UGT1A10: variants seen among roughly 807,000 people sequenced by gnomAD.
UGT1A10 encodes the protein UDP glucuronosyltransferase family 1 member A10.
In UGT1A10, 49 loss-of-function variants were observed where a neutral mutation model predicts 45.8. That is an observed-to-expected ratio of 1.07 (90% CI 0.85 to 1.36). The LOEUF is 1.36. Ranked by LOEUF, UGT1A10 falls within the 40% of genes most tolerant of loss-of-function variation. UGT1A10 has a pLI of 0.00. For synonymous variants in UGT1A10, 284 were observed against 249.7 expected (o/e 1.14, Z -1.29); for missense variants, 745 against 668.6 (o/e 1.11, Z -1.26).
intron 1 of UGT1A10, among the ~76,000 whole-genome samples, chr2:233,658,080 G>A (rs1255172616): frequency 2.0e-5 from 3 of 150,518 alleles, no homozygotes; most frequent in African/African-American, 7.3e-5. Flanking sequence ...GTGCAGTGGG[G>A]CAATCTTGGC....
chr2:233,670,689 A>G (rs764664853), intron 1 of UGT1A10, among the ~76,000 whole-genome samples: 1 of 152,156 alleles, frequency 6.6e-6, no homozygotes, highest in Non-Finnish European at 1.5e-5. Flanking sequence ...TTGAAAGACC[A>G]TATCCCCCAC....
chr2:233,663,185 T>C (rs1034652548), intron 1 of UGT1A10, among the ~76,000 whole-genome samples: 36 of 152,162 alleles, frequency 2.4e-4, no homozygotes, highest in Admixed American at 2.4e-3. Context: ...GGATTCACCT[T>C]GCCTGCTGCC....
chr2:233,744,674 A>C (rs1324161550), intron 1 of UGT1A10, among the ~76,000 whole-genome samples: 16 of 151,928 alleles, frequency 1.1e-4, no homozygotes, highest in South Asian at 4.1e-4. Flanking sequence ...ATTACACATC[A>C]CCCATGTAGC....
chr2:233,713,635 T>C (rs1231856899), intron 1 of UGT1A10: 3 of 1,613,986 alleles, frequency 1.9e-6, no homozygotes, highest in Non-Finnish European at 2.5e-6. Flanking sequence ...AAGAACATGC[T>C]CTACCCTCTG....
intron 1 of UGT1A10, among the ~76,000 whole-genome samples, chr2:233,703,998 C>A (rs2075762897): frequency 6.6e-6 from 1 of 151,952 alleles, no homozygotes; most frequent in South Asian, 2.1e-4. Flanking sequence ...TCAAGCAGTT[C>A]TCCCACCTCA....
intron 1 of UGT1A10, among the ~76,000 whole-genome samples, chr2:233,739,485 C>T (rs535486258): frequency 1.8e-4 from 27 of 152,374 alleles, no homozygotes; most frequent in African/African-American, 6.3e-4. Context: ...GAGCCCATTT[C>T]TGGCATCACC....
At position 233,724,298 on chromosome 2, in the gene UGT1A10, C is replaced by G. The variant is rs1308100434; in HGVS notation, c.856-42736C>G. Among the ~76,000 whole-genome samples, 14 of 143,328 alleles carry G rather than the reference C, an allele frequency of 9.8e-5. No individual in the cohort carries two copies. In the East Asian group the frequency reaches 3.1e-3, roughly 31 times the overall value. 94.0% of individuals were successfully genotyped at this position (143,328 alleles called of 152,430 possible). Reference sequence around the variant, plus strand: ...TGGCCGGGCGGGGGGCTGACCCCCCCACCTCCCTCCCGGACGGGGCGGCTG... The same window carrying G: ...TGGCCGGGCGGGGGGCTGACCCCCCGACCTCCCTCCCGGACGGGGCGGCTG... On this transcript the variant is annotated intron_variant, in intron 1 of 4. Transcript: ENST00000344644.
At chr2:233,724,744 A>T (rs2077304128) in intron 1 of UGT1A10, among the ~76,000 whole-genome samples, 2 of 143,018 alleles carry the variant, frequency 1.4e-5, no homozygotes, top group South Asian at 5.1e-4. Context: ...GGCTCCTCAC[A>T]TCCCAGACGA....
chr2:233,639,743 T>C (rs1426744162), intron 1 of UGT1A10, among the ~76,000 whole-genome samples: 1 of 152,170 alleles, frequency 6.6e-6, no homozygotes, highest in Non-Finnish European at 1.5e-5. Flanking sequence ...ACTTTAACAA[T>C]GATGGCAGAT....
intron 1 of UGT1A10, among the ~76,000 whole-genome samples, chr2:233,730,339 G>C (rs954764150): frequency 2.0e-5 from 3 of 152,178 alleles, no homozygotes; most frequent in Non-Finnish European, 4.4e-5. Flanking sequence ...GTTTGGAACT[G>C]ATCCATCCTG....
chr2:233,745,132 TG>T (rs1669104156), intron 1 of UGT1A10, among the ~76,000 whole-genome samples: 1 of 151,914 alleles, frequency 6.6e-6, no homozygotes, highest in Admixed American at 6.5e-5. Context: ...TCTGCAGATG[TG>T]AAGCCCAAGT....
At chr2:233,743,497 A>C (rs1692318154) in intron 1 of UGT1A10, 1 of 1,367,094 alleles carries the variant, frequency 7.3e-7, no homozygotes, top group Admixed American at 1.9e-5. Context: ...GGCAGAGAAA[A>C]GGGGTGCAGA....
At chr2:233,658,386 T>C (rs949985397) in intron 1 of UGT1A10, among the ~76,000 whole-genome samples, 2 of 152,200 alleles carry the variant, frequency 1.3e-5, no homozygotes, top group Non-Finnish European at 2.9e-5. Flanking sequence ...ATTTGATACA[T>C]TATGATGAAC....
rs369861347 is a variant in UGT1A10 at position 233,704,965 on chromosome 2, A to G, written c.856-62069A>G. On this transcript the variant is annotated intron_variant, in intron 1 of 4. Coordinates refer to ENST00000344644, the MANE Select transcript of UGT1A10 (RefSeq NM_019075.4). ...AGCCTGGCCAACATGGTGAAACCCC[A>G]TCTCTACTTAAAATACAGAAATTAG... Among the ~76,000 whole-genome samples the G allele has an allele frequency of 7.9e-5, 12 of 152,064 alleles. 1 individual carries two copies. In the East Asian group the frequency reaches 1.2e-3, roughly 15 times the overall value.
Position 233,769,424 on chromosome 2 carries a change from G to T in UGT1A10, c.1295+985G>T. 2 of 1,481,600 alleles carry T rather than the reference G, an allele frequency of 1.3e-6. No homozygotes were observed. The highest frequency in any genetic ancestry group is 1.8e-4 in the Middle Eastern group (1 of 5,630). 91.8% of individuals were successfully genotyped at this position (1,481,600 alleles called of 1,614,324 possible). Reference sequence around the variant, plus strand: ...ATGTGCGTGTGCGTTTGTGCATGTGGCTGTGCTCATGTGTGGGTGCACACG... The same window carrying T: ...ATGTGCGTGTGCGTTTGTGCATGTGTCTGTGCTCATGTGTGGGTGCACACG... On this transcript the variant is annotated intron_variant, in intron 4 of 4. Coordinates refer to ENST00000344644, the MANE Select transcript of UGT1A10 (RefSeq NM_019075.4). This position sits in a 1 kb window ranked among gnomAD's most constrained non-coding sequence, Gnocchi z 4.4.
intron 1 of UGT1A10, among the ~76,000 whole-genome samples, chr2:233,702,365 T>A (rs1282819805): frequency 2.0e-5 from 3 of 152,208 alleles, no homozygotes; most frequent in Admixed American, 2.0e-4. Flanking sequence ...TTTTAGTGGA[T>A]TTCGTAGGAT....
At chr2:233,763,527 CT>C (rs1248792225) in intron 1 of UGT1A10, among the ~76,000 whole-genome samples, 2 of 152,146 alleles carry the variant, frequency 1.3e-5, no homozygotes, top group African/African-American at 4.8e-5. Context: ...TGCCATTCTC[CT>C]TTTTCCGGAT....
At position 233,682,362 on chromosome 2, in the gene UGT1A10, T is replaced by C. The variant is rs747551450; in HGVS notation, c.855+44985T>C. ...GTAGAATACTTAAAGGAGAGTTGTT[T>C]TGATGCAGTGTTTCTCGATCCTTTT... On this transcript the variant is annotated intron_variant, in intron 1 of 4. Coordinates refer to ENST00000344644, the MANE Select transcript of UGT1A10 (RefSeq NM_019075.4). 18 of 1,614,152 alleles carry C rather than the reference T, an allele frequency of 1.1e-5. No homozygotes were observed. The South Asian group carries it at 2.0e-4, about 18-fold the overall frequency.
At chr2:233,705,348 T>G (rs1375360519) in intron 1 of UGT1A10, among the ~76,000 whole-genome samples, 1 of 152,240 alleles carries the variant, frequency 6.6e-6, no homozygotes, top group Non-Finnish European at 1.5e-5. Context: ...TTTTGTCTTA[T>G]TACATGGGGT....
Sources: gnomAD v4.1 joint callset for allele counts (sites outside exome capture counted in the v4.1 genomes callset) on GRCh38, gnomAD v4.1.1 for gene constraint, Gnocchi (gnomAD v3.1) non-coding constraint, MANE v1.5 for transcripts, NCBI Gene and HGNC (gene_info 2026-07-23, HGNC 2026-07-21) for gene names.